GLIS3: variants seen among roughly 807,000 people sequenced by gnomAD.
GLIS3 encodes GLIS family zinc finger 3.
GLIS3 carries 53 observed loss-of-function variants against 78.6 expected under a neutral mutation model. The observed-to-expected ratio is 0.67, with a 90% CI of 0.54 to 0.85. GLIS3 has a LOEUF of 0.85. GLIS3 is among the 40% of genes least tolerant of loss of function. The pLI, the probability that GLIS3 is intolerant of heterozygous loss-of-function variation, is 0.00. For missense variants in GLIS3, 1,703 were observed against 1,231.1 expected, an observed-to-expected ratio of 1.38 and a Z score of -5.74; for synonymous variants, 684 against 509.9, an observed-to-expected ratio of 1.34 and a Z score of -4.60.
At chr9:4,345,862 T>C (rs528469335) in intron 2 of GLIS3, among the ~76,000 whole-genome samples, 10 of 152,182 alleles carry the variant, frequency 6.6e-5, no homozygotes, top group Non-Finnish European at 1.5e-4. Context: ...ACGTCTTTTT[T>C]TCTTGTTGTT....
At chr9:4,123,067 A>C (rs1190248058) in intron 3 of GLIS3, among the ~76,000 whole-genome samples, 8 of 152,212 alleles carry the variant, frequency 5.3e-5, no homozygotes, top group African/African-American at 1.9e-4. Context: ...GCTTTTCCCC[A>C]AGATGAGCAC....
the GLIS3 span, among the ~76,000 whole-genome samples, chr9:4,397,297 T>C: frequency 6.6e-6 from 1 of 151,162 alleles, no homozygotes; most frequent in Non-Finnish European, 1.5e-5. Flanking sequence ...AGTGCTGGGA[T>C]TACAGGCGTG....
the GLIS3 span, among the ~76,000 whole-genome samples, chr9:4,422,101 C>T: frequency 8.3e-3 from 1,267 of 152,302 alleles, 23 homozygotes; most frequent in African/African-American, 0.029. Context: ...TGTCCATCAC[C>T]GCTCAAGAAT....
At chr9:4,282,451 T>C (rs1827645418) in intron 2 of GLIS3, among the ~76,000 whole-genome samples, 1 of 152,194 alleles carries the variant, frequency 6.6e-6, no homozygotes, top group Non-Finnish European at 1.5e-5. Context: ...AGGTTGACCC[T>C]CGCCCCCGAC....
chr9:4,328,124 G>A (rs1175517556), intron 2 of GLIS3, among the ~76,000 whole-genome samples: 4 of 152,152 alleles, frequency 2.6e-5, no homozygotes, highest in Non-Finnish European at 4.4e-5. Context: ...GAAAAGCCCT[G>A]GATGCTGCTA....
chr9:4,281,949 T>C (rs922608890), intron 2 of GLIS3, among the ~76,000 whole-genome samples: 3 of 152,206 alleles, frequency 2.0e-5, no homozygotes, highest in African/African-American at 7.2e-5. Flanking sequence ...TAACACACTG[T>C]TTGGGAACCA....
intron 2 of GLIS3, among the ~76,000 whole-genome samples, chr9:4,276,708 T>C (rs575281568): frequency 5.4e-4 from 82 of 152,208 alleles, no homozygotes; most frequent in Non-Finnish European, 1.1e-3. Context: ...AACCCCCTTT[T>C]ATAATTGGAA....
chr9:4,080,372 A>G (rs1828449716), intron 4 of GLIS3, among the ~76,000 whole-genome samples: 5 of 152,046 alleles, frequency 3.3e-5, no homozygotes, highest in Admixed American at 3.3e-4. Context: ...GGCTCCAAAA[A>G]CTCAGTAATC....
chr9:4,230,927 C>A (rs1822199370), intron 2 of GLIS3, among the ~76,000 whole-genome samples: 1 of 152,092 alleles, frequency 6.6e-6, no homozygotes, highest in Non-Finnish European at 1.5e-5. Context: ...ATGTTTAGAG[C>A]CAGGTGCAGT....
At chr9:3,848,583 T>C (rs1174715601) in intron 9 of GLIS3, among the ~76,000 whole-genome samples, 1 of 152,230 alleles carries the variant, frequency 6.6e-6, no homozygotes, top group Non-Finnish European at 1.5e-5. Flanking sequence ...AAATCAGTCA[T>C]GGCTACAGCC....
chr9:4,476,381 GAC>G, the GLIS3 span, among the ~76,000 whole-genome samples: 1 of 151,928 alleles, frequency 6.6e-6, no homozygotes, highest in East Asian at 1.9e-4. Flanking sequence ...TTTGTTTTGA[GAC>G]AGAGTTTCCC....
intron 4 of GLIS3, among the ~76,000 whole-genome samples, chr9:4,094,435 T>A (rs966197826): frequency 1.3e-5 from 2 of 152,220 alleles, no homozygotes; most frequent in African/African-American, 4.8e-5. Flanking sequence ...TACTAGTTGC[T>A]ATTTTTAGAG....
chr9:4,324,210 C>T lies in GLIS3; in HGVS notation n.265-13682G>A, dbSNP rs561054932. Among the ~76,000 whole-genome samples the T allele has an allele frequency of 2.6e-5, 4 of 152,290 alleles. No individual in the cohort carries two copies. In the South Asian group the frequency reaches 8.3e-4, roughly 32 times the overall value. On this transcript the variant is annotated intron_variant and non_coding_transcript_variant, in intron 2 of 4. Coordinates refer to the GLIS3 transcript ENST00000471664. ...TTTATCTTTATTTATGCTGTGCCCT[C>T]TTCTGAAAATGGGCTACATAAAACT... is the stretch of plus-strand genomic sequence containing the variant.
intron 1 of GLIS3, among the ~76,000 whole-genome samples, chr9:4,291,853 T>C (rs958830437): frequency 2.5e-4 from 38 of 152,290 alleles, no homozygotes; most frequent in African/African-American, 9.1e-4. Flanking sequence ...ATAACTTTCA[T>C]ATCCTCCTAG....
At chr9:4,317,341 T>C (rs983257163) in intron 2 of GLIS3, among the ~76,000 whole-genome samples, 5 of 152,210 alleles carry the variant, frequency 3.3e-5, no homozygotes, top group African/African-American at 1.2e-4. Context: ...TTTACAGTAC[T>C]GATGCCTACC....
intron 4 of GLIS3, among the ~76,000 whole-genome samples, chr9:4,073,487 G>A (rs1298402672): frequency 2.6e-5 from 4 of 152,140 alleles, no homozygotes; most frequent in African/African-American, 4.8e-5. Flanking sequence ...GCATCTCCAC[G>A]CCCAGGCTTA....
chr9:4,416,252 TAAAAAAAAAAAA>T, the GLIS3 span, among the ~76,000 whole-genome samples: 3 of 75,804 alleles, frequency 4.0e-5, no homozygotes, highest in Admixed American at 1.8e-4. Context: ...ACACTGTTTT[TAAAAAAAAAAAA>T]AAAAAAAAAA....
At chr9:4,055,426 C>G (rs1826065795) in intron 4 of GLIS3, among the ~76,000 whole-genome samples, 1 of 152,148 alleles carries the variant, frequency 6.6e-6, no homozygotes. Flanking sequence ...TTTCCATATG[C>G]CAAGTTCAGG....
At chr9:4,476,554 G>A in the GLIS3 span, among the ~76,000 whole-genome samples, 403 of 152,074 alleles carry the variant, frequency 2.7e-3, 2 homozygotes, top group Non-Finnish European at 4.9e-3. Context: ...TAAGGATGGG[G>A]TTTCACCATG....
Sources: gnomAD v4.1 joint callset for allele counts (sites outside exome capture counted in the v4.1 genomes callset) on GRCh38, gnomAD v4.1.1 for gene constraint, MANE v1.5 for transcripts, NCBI Gene and HGNC (gene_info 2026-07-23, HGNC 2026-07-21) for gene names.